Variants in BCO1 observed in about 807,000 individuals in gnomAD.
BCO1 encodes the protein beta,beta-carotene 15,15'-dioxygenase.
Under a neutral mutation model 56.3 loss-of-function variants are expected in BCO1, and 54 were observed. The observed-to-expected ratio is 0.96, with a 90% CI of 0.77 to 1.20. The LOEUF (loss-of-function observed/expected upper bound fraction) is 1.20. Ranked by LOEUF, BCO1 falls within the 50% of genes most tolerant of loss-of-function variation. The probability of loss-of-function intolerance (pLI) is 0.00; values close to 1 mark genes in which losing one functional copy is unlikely to be tolerated. For synonymous variants in BCO1, 318 were observed against 266.1 expected (o/e 1.20, Z -1.90); for missense variants, 801 against 690.9 (o/e 1.16, Z -1.79).
chr16:81,242,723 C>T (rs1387404636), intron 1 of BCO1, among the ~76,000 whole-genome samples: 1 of 152,080 alleles, frequency 6.6e-6, no homozygotes, highest in Non-Finnish European at 1.5e-5. Context: ...GTTCCTATTC[C>T]ATTTATAACA....
rs1905353174 is a variant in BCO1, at chr16:81,245,533, A to G, written c.123A>G (p.Thr41=). ...TLLRNGPGMH[T]VGESRYNHWF... is the part of the protein sequence containing the mutation. ...TCCGCAATGGGCCTGGGATGCACAC[A>G]GTTGGGGAGTCCAGATACAACCATT... The change falls in exon 2 of 11, where the codon ACA becomes ACG. Residue 41 remains threonine, a synonymous_variant. Transcript: ENST00000258168. The G allele has an allele frequency of 1.2e-6, 2 of 1,613,664 alleles. No homozygotes were observed. Among genetic ancestry groups the G allele is most frequent in the East Asian group, 4.5e-5 (2 of 44,886 alleles).
chr16:81,244,324 A>G (rs988654571), intron 1 of BCO1, among the ~76,000 whole-genome samples: 1 of 152,234 alleles, frequency 6.6e-6, no homozygotes, highest in Non-Finnish European at 1.5e-5. Context: ...AAAAAAGTCA[A>G]AAGAAGCAGG....
chr16:81,245,400 C>CTT, intron 1 of BCO1, 75 bp from the exon 2 acceptor site: 1 of 1,610,526 alleles, frequency 6.2e-7, no homozygotes, highest in African/African-American at 1.3e-5. Context: ...TCTCAAATTC[C>CTT]TTTCCATGAC....
rs1042328148 is a variant in BCO1, at chr16:81,270,558, A to G, written c.1101+142A>G. On this transcript the variant is annotated intron_variant, in intron 7 of 10. Coordinates refer to ENST00000258168, the MANE Select transcript of BCO1 (RefSeq NM_017429.3). ...AAAAAAGTTTTCATTGTTTTTCCCA[A>G]AGTAGTACCGATTCATAATAAAAAC... 4.4e-6 allele frequency: 5 copies of G among 1,131,332 alleles called. No individual in the cohort carries two copies. The East Asian group carries it at 7.6e-5, about 17-fold the overall frequency. The allele number at this position is 1,131,332 out of a possible 1,614,324, so 70.1% of individuals were successfully genotyped here. A position where few individuals can be genotyped will look rare whatever the true frequency, so the allele number is the denominator to read the frequency against.
At chr16:81,242,755 G>A (rs944620825) in intron 1 of BCO1, among the ~76,000 whole-genome samples, 7 of 152,060 alleles carry the variant, frequency 4.6e-5, no homozygotes, top group East Asian at 1.9e-4. Flanking sequence ...CCCTCGAGCC[G>A]TGGACCAGTA....
intron 7 of BCO1, among the ~76,000 whole-genome samples, chr16:81,275,407 C>G (rs1485007488): frequency 6.6e-6 from 1 of 152,204 alleles, no homozygotes; most frequent in Non-Finnish European, 1.5e-5. Flanking sequence ...GCAGTGCAGC[C>G]GTGGCAGAGA....
At chr16:81,253,261 C>G (rs569231888) in intron 2 of BCO1, among the ~76,000 whole-genome samples, 1 of 152,162 alleles carries the variant, frequency 6.6e-6, no homozygotes, top group African/African-American at 2.4e-5. Flanking sequence ...GAGCCGAAGC[C>G]TTGATCACTC....
At chr16:81,245,828 G>A (rs183659885) in intron 2 of BCO1, among the ~76,000 whole-genome samples, 23 of 143,172 alleles carry the variant, frequency 1.6e-4, no homozygotes, top group Middle Eastern at 3.7e-3. Context: ...CGCTTTCCTT[G>A]ACTTGTGGCT....
intron 5 of BCO1, among the ~76,000 whole-genome samples, chr16:81,265,485 G>A (rs185881095): frequency 3.4e-4 from 8 of 23,262 alleles, no homozygotes; most frequent in Admixed American, 1.1e-3. Context: ...CCACCCACCC[G>A]CCCACCCATC....
At chr16:81,281,058 G>A in intron 8 of BCO1, 96 bp downstream of exon 8, 1 of 875,578 alleles carries the variant, frequency 1.1e-6, no homozygotes, top group Non-Finnish European at 1.9e-6. Context: ...CCTGTGCATG[G>A]ACAAGGGCCA....
At chr16:81,262,029 C>T (rs1160000627) in intron 3 of BCO1, 107 bp from the exon 4 acceptor site, 1 of 1,392,426 alleles carries the variant, frequency 7.2e-7, no homozygotes, top group African/African-American at 1.4e-5. Context: ...GGCACCCGGC[C>T]GAAGTAAAGC....
At chr16:81,272,412 C>G (rs1907291402) in intron 7 of BCO1, among the ~76,000 whole-genome samples, 1 of 152,190 alleles carries the variant, frequency 6.6e-6, no homozygotes, top group South Asian at 2.1e-4. Context: ...GCCACCGCGC[C>G]CGGCCCAGAC....
intron 2 of BCO1, among the ~76,000 whole-genome samples, chr16:81,248,233 C>T (rs1405941820): frequency 1.3e-5 from 2 of 151,696 alleles, no homozygotes; most frequent in African/African-American, 4.8e-5. Context: ...GAAACCCCGT[C>T]TCTACTAAAA....
intron 7 of BCO1, among the ~76,000 whole-genome samples, chr16:81,271,332 C>T (rs952925254): frequency 1.3e-5 from 2 of 151,742 alleles, no homozygotes; most frequent in Non-Finnish European, 2.9e-5. Context: ...TCAGGCTGTT[C>T]TCGAACTCCT....
intron 10 of BCO1, among the ~76,000 whole-genome samples, chr16:81,288,931 C>T (rs1014456061): frequency 2.0e-5 from 3 of 152,224 alleles, no homozygotes; most frequent in Non-Finnish European, 4.4e-5. Context: ...GCCAGGCCAG[C>T]AACCCTGTGT....
intron 7 of BCO1, among the ~76,000 whole-genome samples, chr16:81,279,390 C>A (rs1416294657): frequency 1.3e-5 from 2 of 152,138 alleles, no homozygotes; most frequent in African/African-American, 4.8e-5. Context: ...TCTTCCAGAG[C>A]CTAACCCGTA....
At chr16:81,259,429 G>A (rs1017452302) in intron 2 of BCO1, among the ~76,000 whole-genome samples, 19 of 152,104 alleles carry the variant, frequency 1.2e-4, no homozygotes, top group Non-Finnish European at 2.2e-4. Flanking sequence ...AGGAGGCGGA[G>A]GTTGCAGTGA....
chr16:81,282,678 T>A (rs1907952239), intron 8 of BCO1, among the ~76,000 whole-genome samples: 1 of 151,960 alleles, frequency 6.6e-6, no homozygotes, highest in South Asian at 2.1e-4. Context: ...CATCCCTTTT[T>A]TTTTTTTCCT....
At chr16:81,269,307 T>C (rs1241761971) in intron 6 of BCO1, among the ~76,000 whole-genome samples, 2 of 149,822 alleles carry the variant, frequency 1.3e-5, no homozygotes, top group East Asian at 2.0e-4. Context: ...TTTTCTTTTT[T>C]TTTTTTTTCA....
Sources: gnomAD v4.1 joint callset for allele counts (sites outside exome capture counted in the v4.1 genomes callset) on GRCh38, gnomAD v4.1.1 for gene constraint, MANE v1.5 for transcripts, NCBI Gene and HGNC (gene_info 2026-07-23, HGNC 2026-07-21) for gene names.